The following CMTM8 variants were observed in gnomAD, a reference collection of about 807,000 sequenced individuals.
The protein encoded by CMTM8 is CKLF-like MARVEL transmembrane domain-containing protein 8.
CMTM8 carries 12 observed loss-of-function variants against 18.6 expected under a neutral mutation model. The observed-to-expected ratio is 0.65, with a 90% CI of 0.41 to 1.05. CMTM8 has a LOEUF of 1.05. CMTM8 is among the 50% of genes least tolerant of loss of function. The probability of loss-of-function intolerance (pLI) is 0.00; values close to 1 mark genes in which losing one functional copy is unlikely to be tolerated. For synonymous variants in CMTM8, 87 were observed against 90.6 expected (o/e 0.96, Z 0.23); for missense variants, 217 against 227.2 (o/e 0.95, Z 0.29).
At chr3:32,278,286 G>T (rs1168448174) in intron 1 of CMTM8, among the ~76,000 whole-genome samples, 1 of 152,178 alleles carries the variant, frequency 6.6e-6, no homozygotes, top group Non-Finnish European at 1.5e-5. Flanking sequence ...TCATCTACGT[G>T]GCCATGTGAA....
intron 1 of CMTM8, among the ~76,000 whole-genome samples, chr3:32,349,851 T>C (rs894590291): frequency 1.3e-5 from 2 of 151,960 alleles, no homozygotes; most frequent in African/African-American, 4.8e-5. Flanking sequence ...CTACTAAAAA[T>C]ACAAAAATTA....
chr3:32,275,765 T>G (rs1702508172), intron 1 of CMTM8, among the ~76,000 whole-genome samples: 1 of 146,764 alleles, frequency 6.8e-6, no homozygotes, highest in African/African-American at 2.5e-5. Context: ...TTCTCACGCC[T>G]CAGCCTCCAG....
chr3:32,328,874 T>C (rs1471381084), intron 1 of CMTM8, among the ~76,000 whole-genome samples: 2 of 152,088 alleles, frequency 1.3e-5, no homozygotes, highest in Non-Finnish European at 2.9e-5. Flanking sequence ...CAAGGCCAGA[T>C]GGCTTCACTA....
Position 32,239,018 on chromosome 3 carries a change from G to A in CMTM8, c.46G>A (p.Ala16Thr). 6.4e-7 allele frequency: 1 copy of A among 1,567,048 alleles called. No homozygotes were observed. Among genetic ancestry groups the A allele is most frequent in the Non-Finnish European group, 8.6e-7 (1 of 1,156,618 alleles). Residue 16 changes from alanine to threonine, a missense_variant, in exon 1 of 4, where the codon GCC (alanine) becomes ACC (threonine). Coordinates refer to ENST00000307526, the MANE Select transcript of CMTM8 (RefSeq NM_178868.5). ...RARSHTVTTT[A>T]SSFAENFSTS... ...CCGCTCGCACACAGTCACCACCACC[G>A]CCAGCTCCTTCGCAGAGAACTTCTC...
chr3:32,276,034 C>G (rs1702511977), intron 1 of CMTM8, among the ~76,000 whole-genome samples: 1 of 152,174 alleles, frequency 6.6e-6, no homozygotes, highest in African/African-American at 2.4e-5. Flanking sequence ...TGTCATCCAT[C>G]TCTGGTGTCC....
chr3:32,248,707 A>G (rs1289698571), intron 1 of CMTM8, among the ~76,000 whole-genome samples: 3 of 151,398 alleles, frequency 2.0e-5, no homozygotes, highest in Non-Finnish European at 4.4e-5. Flanking sequence ...TTTTAGAGAC[A>G]TGATCTCACT....
intron 1 of CMTM8, among the ~76,000 whole-genome samples, chr3:32,348,881 T>C (rs1360129474): frequency 6.6e-6 from 1 of 152,146 alleles, no homozygotes; most frequent in African/African-American, 2.4e-5. Flanking sequence ...TTTTTTTCTT[T>C]TCGTTGTTTT....
chr3:32,332,034 A>ATG (rs1329260903), intron 1 of CMTM8, among the ~76,000 whole-genome samples: 1 of 143,866 alleles, frequency 7.0e-6, no homozygotes, highest in African/African-American at 2.6e-5. Context: ...TTTTGACCAC[A>ATG]CGCGCACACA....
intron 1 of CMTM8, among the ~76,000 whole-genome samples, chr3:32,342,208 A>G (rs966480699): frequency 1.3e-5 from 2 of 152,214 alleles, no homozygotes; most frequent in Admixed American, 1.3e-4. Flanking sequence ...AGATCGCACC[A>G]CTGCAGTCCA....
chr3:32,246,789 T>C (rs1575143971), intron 1 of CMTM8, among the ~76,000 whole-genome samples: 1 of 152,194 alleles, frequency 6.6e-6, no homozygotes, highest in South Asian at 2.1e-4. Flanking sequence ...GATAAGAGGG[T>C]ATATGAATCT....
chr3:32,283,500 A>G (rs1194026667), intron 1 of CMTM8, among the ~76,000 whole-genome samples: 1 of 152,148 alleles, frequency 6.6e-6, no homozygotes, highest in Non-Finnish European at 1.5e-5. Flanking sequence ...TTCCTTCCCC[A>G]TGCATGAGCT....
At chr3:32,255,967 A>G (rs1017196077) in intron 1 of CMTM8, among the ~76,000 whole-genome samples, 3 of 152,200 alleles carry the variant, frequency 2.0e-5, no homozygotes, top group African/African-American at 7.2e-5. Context: ...GGCTCAAGCA[A>G]TACGCCTGCG....
intron 1 of CMTM8, among the ~76,000 whole-genome samples, chr3:32,265,053 A>G (rs753428870): frequency 6.6e-6 from 1 of 152,120 alleles, no homozygotes; most frequent in East Asian, 1.9e-4. Flanking sequence ...ACAAGACACA[A>G]AGTTAACAAG....
intron 1 of CMTM8, among the ~76,000 whole-genome samples, chr3:32,261,280 C>T (rs1300101607): frequency 3.3e-5 from 5 of 151,990 alleles, no homozygotes; most frequent in South Asian, 2.1e-4. Context: ...AAATATTTAC[C>T]GTGTGCCAGA....
intron 1 of CMTM8, among the ~76,000 whole-genome samples, chr3:32,282,448 C>T (rs1702621628): frequency 6.6e-6 from 1 of 151,804 alleles, no homozygotes; most frequent in East Asian, 1.9e-4. Flanking sequence ...TTATTTTTAG[C>T]TATGAGAATG....
chr3:32,363,423 A>G (rs557218688), intron 2 of CMTM8, among the ~76,000 whole-genome samples: 1 of 152,320 alleles, frequency 6.6e-6, no homozygotes, highest in East Asian at 1.9e-4. Context: ...GACATTGTAT[A>G]TGTTACATCT....
intron 1 of CMTM8, among the ~76,000 whole-genome samples, chr3:32,319,634 G>A (rs1696004862): frequency 6.6e-6 from 1 of 152,098 alleles, no homozygotes; most frequent in South Asian, 2.1e-4. Flanking sequence ...CTTTTCAATT[G>A]AACAGTCCAG....
chr3:32,356,535 G>A (rs1696817838), intron 1 of CMTM8, among the ~76,000 whole-genome samples: 1 of 152,208 alleles, frequency 6.6e-6, no homozygotes, highest in African/African-American at 2.4e-5. Context: ...GTCAGCAGTT[G>A]GATGACTATT....
rs753833566 is a variant in CMTM8 at position 32,369,912 on chromosome 3, A to G, written c.467A>G (p.Tyr156Cys). The change falls in exon 4 of 4, where the codon TAC becomes TGC. Residue 156 changes from tyrosine to cysteine, a missense_variant. By Grantham distance (194) the Tyr-to-Cys change is radical. Coordinates refer to ENST00000307526, the MANE Select transcript of CMTM8 (RefSeq NM_178868.5). ...SFFAFLVTIC[Y>C]AGNTYFSFIA... is the part of the protein sequence containing the mutation. ...TTTGCCTTCCTGGTCACCATCTGCT[A>G]CGCTGGAAATACATATTTCAGTTTT... The G allele has an allele frequency of 3.1e-6, 5 of 1,609,722 alleles. No individual in the cohort carries two copies. Among genetic ancestry groups the G allele is most frequent in the Non-Finnish European group, 3.4e-6 (4 of 1,176,648 alleles).
Sources: gnomAD v4.1 joint callset for allele counts (sites outside exome capture counted in the v4.1 genomes callset) on GRCh38, gnomAD v4.1.1 for gene constraint, MANE v1.5 for transcripts, NCBI Gene and HGNC (gene_info 2026-07-23, HGNC 2026-07-21) for gene names.